DST: variants seen among roughly 807,000 people sequenced by gnomAD.
The protein encoded by DST is dystonin, also known as bullous pemphigoid antigen.
Under a neutral mutation model 875.2 loss-of-function variants are expected in DST, and 253 were observed. That is an observed-to-expected ratio of 0.29 (90% confidence interval 0.26 to 0.32). The LOEUF (loss-of-function observed/expected upper bound fraction) is 0.32. Among genes scored for constraint, DST ranks in the 10% least tolerant of loss-of-function variants. The pLI is 1.00. For synonymous variants in DST, 3,124 were observed against 3,197.1 expected, an observed-to-expected ratio of 0.98 and a Z score of 0.77; for missense variants, 8,287 against 9,111.6, an observed-to-expected ratio of 0.91 and a Z score of 3.68.
At chr6:56,618,906 G>A (rs1326232406) in intron 36 of DST, 2 of 1,614,060 alleles carry the variant, frequency 1.2e-6, no homozygotes, top group African/African-American at 2.7e-5. Context: ...TTTAACTCTT[G>A]CACCTGAGCT....
intron 2 of DST, among the ~76,000 whole-genome samples, chr6:56,942,902 G>A (rs1417324247): frequency 2.6e-5 from 4 of 151,672 alleles, no homozygotes; most frequent in Admixed American, 6.6e-5. Context: ...ATTATTTTTT[G>A]TATAGACAAG....
In DST at chr6:56,634,426, A is replaced by C. The variant is rs777212044; in HGVS notation, c.3494+36T>G. ...TCCTTCAACCTTCAGAGGGCCCCCAAAACTAGCTCAACATTTTTAGCTAAT... is the reference window on the plus strand; with the variant it reads ...TCCTTCAACCTTCAGAGGGCCCCCACAACTAGCTCAACATTTTTAGCTAAT... On this transcript the variant is annotated intron_variant, in intron 26 of 103. Coordinates refer to ENST00000680361, the MANE Select transcript of DST (RefSeq NM_001374736.1). 6 of 1,612,424 alleles carry C rather than the reference A, an allele frequency of 3.7e-6. No individual in the cohort carries two copies. The South Asian group carries it at 6.6e-5, about 18-fold the overall frequency.
intron 17 of DST, among the ~76,000 whole-genome samples, chr6:56,641,645 A>G (rs1372538614): frequency 1.3e-5 from 2 of 152,320 alleles, no homozygotes; most frequent in African/African-American, 4.8e-5. Context: ...CATCCCATGA[A>G]TACTTTAAAT....
chr6:56,615,580 A>AC (rs760954374), intron 36 of DST: 159 of 1,614,042 alleles, frequency 9.9e-5, no homozygotes, highest in Non-Finnish European at 1.2e-4. Flanking sequence ...CTAACAGTTT[A>AC]AGTCCTGTGT....
At chr6:56,835,524 T>C (rs1008492874) in intron 4 of DST, among the ~76,000 whole-genome samples, 10 of 152,194 alleles carry the variant, frequency 6.6e-5, no homozygotes, top group African/African-American at 2.4e-4. Flanking sequence ...AAAAATAATG[T>C]GTGCATTTTT....
intron 4 of DST, among the ~76,000 whole-genome samples, chr6:56,836,889 GA>G (rs1020686565): frequency 2.1e-5 from 3 of 144,136 alleles, no homozygotes; most frequent in African/African-American, 7.5e-5. Flanking sequence ...AATAAACAAA[GA>G]AAAAATTAAG....
intron 4 of DST, among the ~76,000 whole-genome samples, chr6:56,821,995 GGATA>G (rs2099773545): frequency 6.6e-6 from 1 of 151,806 alleles, no homozygotes; most frequent in Non-Finnish European, 1.5e-5. Flanking sequence ...AGAGAGATGT[GGATA>G]GAGAGTATAT....
intron 45 of DST, among the ~76,000 whole-genome samples, chr6:56,599,505 A>C (rs998883908): frequency 6.6e-6 from 1 of 152,112 alleles, no homozygotes; most frequent in Non-Finnish European, 1.5e-5. Flanking sequence ...CTATGAAGAA[A>C]CTGAGGCTGT....
intron 50 of DST, among the ~76,000 whole-genome samples, chr6:56,575,777 A>C (rs536124489): frequency 6.6e-6 from 1 of 152,100 alleles, no homozygotes; most frequent in Non-Finnish European, 1.5e-5. Context: ...TTTTGTTCTG[A>C]TATTTGGTCG....
intron 10 of DST, among the ~76,000 whole-genome samples, chr6:56,661,416 T>C (rs73746926): frequency 0.15 from 23,251 of 152,074 alleles, 4,285 homozygotes; most frequent in African/African-American, 0.45. Flanking sequence ...AGTTTCTAAG[T>C]AAGGAGAGTT....
chr6:56,784,610 G>C (rs568431256), intron 4 of DST, among the ~76,000 whole-genome samples: 19 of 152,238 alleles, frequency 1.2e-4, no homozygotes, highest in Admixed American at 2.6e-4. Context: ...ATTGGTTATT[G>C]TAGTTATATA....
intron 68 of DST, among the ~76,000 whole-genome samples, chr6:56,527,065 G>A (rs763557358): frequency 1.3e-4 from 20 of 152,236 alleles, no homozygotes; most frequent in Non-Finnish European, 2.8e-4. Context: ...CTTCAAGGAT[G>A]ATAAAAACAG....
chr6:56,670,014 A>C (rs548864091), intron 10 of DST, among the ~76,000 whole-genome samples: 2 of 152,316 alleles, frequency 1.3e-5, no homozygotes, highest in South Asian at 4.1e-4. Flanking sequence ...CTACAAGTCC[A>C]AACTAAACTC....
At chr6:56,845,703 T>C (rs1375297085) in intron 4 of DST, among the ~76,000 whole-genome samples, 31 of 152,168 alleles carry the variant, frequency 2.0e-4, no homozygotes. Flanking sequence ...CTCAAAAATG[T>C]CTCCTTTACA....
chr6:56,889,059 T>A, intron 3 of DST, among the ~76,000 whole-genome samples: 1 of 152,304 alleles, frequency 6.6e-6, no homozygotes. Flanking sequence ...TATTTCTGAG[T>A]GAAGAGTTGG....
intron 63 of DST, among the ~76,000 whole-genome samples, chr6:56,533,476 A>C (rs1479861706): frequency 6.6e-6 from 1 of 152,262 alleles, no homozygotes; most frequent in Non-Finnish European, 1.5e-5. Context: ...CCAAGGCAGA[A>C]GGTAAGAGGA....
chr6:56,813,306 G>A (rs2099762798), intron 4 of DST, among the ~76,000 whole-genome samples: 1 of 150,046 alleles, frequency 6.7e-6, no homozygotes, highest in Non-Finnish European at 1.5e-5. Flanking sequence ...AATGGGTGCA[G>A]CACACCAGCA....
chr6:56,559,364 A>T (rs996474391), intron 58 of DST, among the ~76,000 whole-genome samples: 1 of 152,122 alleles, frequency 6.6e-6, no homozygotes. Flanking sequence ...CTTGACAGGA[A>T]TCTCTATAGT....
chr6:56,497,736 T>G (rs1562374523), intron 81 of DST, 120 bp downstream of exon 81: 6 of 1,030,216 alleles, frequency 5.8e-6, no homozygotes, highest in Non-Finnish European at 2.8e-6. Context: ...ATTTCACTTA[T>G]TTTTACTCCT....
Sources: allele counts gnomAD v4.1 joint callset (sites outside exome capture counted in the v4.1 genomes callset), GRCh38; gene constraint gnomAD v4.1.1; transcripts MANE v1.5; gene names NCBI Gene and HGNC (gene_info 2026-07-23, HGNC 2026-07-21).